ANKS1B: variants seen among roughly 807,000 people sequenced by gnomAD.
ANKS1B encodes ankyrin repeat and sterile alpha motif domain-containing protein 1B.
ANKS1B carries 36 observed loss-of-function variants against 148.3 expected under a neutral mutation model. The observed-to-expected ratio is 0.24, with a 90% confidence interval of 0.19 to 0.32. The LOEUF (loss-of-function observed/expected upper bound fraction) is 0.32, where lower values mean the gene tolerates loss of function less well. Among genes scored for constraint, ANKS1B ranks in the 10% least tolerant of loss-of-function variants. ANKS1B has a pLI of 1.00. For synonymous variants in ANKS1B, 542 were observed against 560.8 expected, an observed-to-expected ratio of 0.97 and a Z score of 0.47; for missense variants, 1,157 against 1,542.6, an observed-to-expected ratio of 0.75 and a Z score of 4.19.
At chr12:99,521,868 T>C (rs558967231) in intron 9 of ANKS1B, among the ~76,000 whole-genome samples, 105 of 152,160 alleles carry the variant, frequency 6.9e-4, no homozygotes, top group Non-Finnish European at 1.4e-3. Context: ...CCACACACAC[T>C]GTAAACACTT....
chr12:99,803,516 C>T (rs1457846525), intron 4 of ANKS1B, among the ~76,000 whole-genome samples: 3 of 152,040 alleles, frequency 2.0e-5, no homozygotes, highest in Non-Finnish European at 4.4e-5. Context: ...GACATCACCC[C>T]GATACTTCTG....
At chr12:99,703,293 A>G (rs1003397901) in intron 8 of ANKS1B, among the ~76,000 whole-genome samples, 2 of 152,154 alleles carry the variant, frequency 1.3e-5, no homozygotes, top group African/African-American at 4.8e-5. Context: ...CCTGGGATAC[A>G]AATGCATTGA....
At chr12:99,272,996 G>A (rs1002709979) in intron 12 of ANKS1B, among the ~76,000 whole-genome samples, 4 of 152,056 alleles carry the variant, frequency 2.6e-5, no homozygotes, top group African/African-American at 9.7e-5. Flanking sequence ...TGCAGTGGTG[G>A]GACAGGCATA....
chr12:99,792,275 T>C (rs897689796), intron 4 of ANKS1B, among the ~76,000 whole-genome samples: 2 of 151,866 alleles, frequency 1.3e-5, no homozygotes, highest in East Asian at 3.9e-4. Context: ...TAAAGAAAAG[T>C]GCAGGACCGA....
At chr12:99,055,728 G>GT (rs61311044) in intron 16 of ANKS1B, among the ~76,000 whole-genome samples, 2 of 150,550 alleles carry the variant, frequency 1.3e-5, no homozygotes, top group Non-Finnish European at 1.5e-5. Context: ...ACTTGGGGGG[G>GT]GGGGAGGTGG....
chr12:98,799,170 T>C (rs935902700), intron 21 of ANKS1B, among the ~76,000 whole-genome samples, 165 bp from the exon 22 acceptor site: 32 of 152,200 alleles, frequency 2.1e-4, no homozygotes, highest in African/African-American at 7.7e-4. Context: ...AATGCATTCA[T>C]AGAGAAAATG....
chr12:99,395,085 A>G (rs1593882457), intron 12 of ANKS1B, among the ~76,000 whole-genome samples: 1 of 152,070 alleles, frequency 6.6e-6, no homozygotes, highest in South Asian at 2.1e-4. Flanking sequence ...AATATGTCCA[A>G]CATCTCTCCA....
chr12:99,850,779 A>G (rs1456692417), intron 1 of ANKS1B, among the ~76,000 whole-genome samples: 1 of 152,090 alleles, frequency 6.6e-6, no homozygotes, highest in East Asian at 1.9e-4. Context: ...CTTTTGACAA[A>G]GACATAAGGG....
At chr12:99,099,915 C>T (rs891975821) in intron 15 of ANKS1B, 1 of 152,162 alleles carries the variant, frequency 6.6e-6, no homozygotes, top group African/African-American at 2.4e-5. Flanking sequence ...TAGGGGGCCC[C>T]ACATTTTCAT....
intron 1 of ANKS1B, among the ~76,000 whole-genome samples, chr12:99,938,401 T>C (rs531998849): frequency 6.6e-6 from 1 of 152,292 alleles, no homozygotes; most frequent in African/African-American, 2.4e-5. Flanking sequence ...TGATTGAAGC[T>C]TTGTGAGACC....
At chr12:99,583,797 A>G (rs1490616566) in intron 9 of ANKS1B, among the ~76,000 whole-genome samples, 2 of 152,230 alleles carry the variant, frequency 1.3e-5, no homozygotes, top group Non-Finnish European at 2.9e-5. Context: ...CAACAGAAAC[A>G]GTGTGGGATC....
chr12:99,301,838 A>C (rs916176340), intron 12 of ANKS1B, among the ~76,000 whole-genome samples: 1 of 152,160 alleles, frequency 6.6e-6, no homozygotes, highest in Non-Finnish European at 1.5e-5. Flanking sequence ...AAAAGGCATA[A>C]AGCAACGGTA....
intron 14 of ANKS1B, among the ~76,000 whole-genome samples, chr12:99,199,917 T>C (rs1319353329): frequency 6.6e-6 from 1 of 152,094 alleles, no homozygotes; most frequent in Non-Finnish European, 1.5e-5. Flanking sequence ...TCAGAGATGC[T>C]TGGAGCAGGG....
At chr12:99,186,658 A>T (rs1403389814) in intron 14 of ANKS1B, among the ~76,000 whole-genome samples, 2 of 152,204 alleles carry the variant, frequency 1.3e-5, no homozygotes, top group Non-Finnish European at 2.9e-5. Flanking sequence ...CCTGACTGTT[A>T]GAAGGAAAAC....
At chr12:99,315,547 AT>A (rs1299835926) in intron 12 of ANKS1B, among the ~76,000 whole-genome samples, 22 of 152,154 alleles carry the variant, frequency 1.4e-4, no homozygotes, top group Non-Finnish European at 1.6e-4. Flanking sequence ...GGTAATTATT[AT>A]TTTTTTCTAT....
intron 10 of ANKS1B, among the ~76,000 whole-genome samples, chr12:99,454,267 G>A (rs1180208921): frequency 2.6e-5 from 4 of 152,158 alleles, no homozygotes; most frequent in African/African-American, 9.7e-5. Context: ...CAGCCACATT[G>A]CATTTCTAAA....
At chr12:99,601,596 T>C (rs915647001) in intron 9 of ANKS1B, among the ~76,000 whole-genome samples, 1 of 152,064 alleles carries the variant, frequency 6.6e-6, no homozygotes, top group Non-Finnish European at 1.5e-5. Flanking sequence ...ATCATAAGGA[T>C]CACGGTCAAC....
chr12:99,932,897 TG>T (rs2094659625), intron 1 of ANKS1B, among the ~76,000 whole-genome samples: 1 of 152,158 alleles, frequency 6.6e-6, no homozygotes, highest in Non-Finnish European at 1.5e-5. Context: ...TTTCATAGTC[TG>T]GGGTCTTAAA....
At chr12:98,978,292 A>G (rs2099901368) in intron 17 of ANKS1B, among the ~76,000 whole-genome samples, 1 of 151,566 alleles carries the variant, frequency 6.6e-6, no homozygotes, top group South Asian at 2.1e-4. Context: ...TTTTATTTCC[A>G]TTAGTGGTTT....
Sources: gnomAD v4.1 joint callset for allele counts (sites outside exome capture counted in the v4.1 genomes callset) on GRCh38, gnomAD v4.1.1 for gene constraint, MANE v1.5 for transcripts, NCBI Gene and HGNC (gene_info 2026-07-23, HGNC 2026-07-21) for gene names.